Variants in MRGPRX3 observed in about 807,000 individuals in gnomAD.
MRGPRX3 encodes the protein mas-related G protein-coupled receptor member X3.
In MRGPRX3, 14 loss-of-function variants were observed where a neutral mutation model predicts 16.5. The ratio of observed to expected loss-of-function variants is 0.85; its 90% CI spans 0.56 to 1.33. MRGPRX3 has a LOEUF of 1.33. MRGPRX3 is among the 40% of genes most tolerant of loss of function. The probability of loss-of-function intolerance (pLI) is 0.00; values close to 1 mark genes in which losing one functional copy is unlikely to be tolerated. For synonymous variants in MRGPRX3, 199 were observed against 180.1 expected (o/e 1.10, Z -0.84); for missense variants, 449 against 413.0 (o/e 1.09, Z -0.76).
At chr11:18,133,795 A>T (rs879732437) in intron 1 of MRGPRX3, among the ~76,000 whole-genome samples, 6 of 152,200 alleles carry the variant, frequency 3.9e-5, no homozygotes, top group Non-Finnish European at 7.3e-5. Flanking sequence ...TTTGAGAATG[A>T]ACTAATACAC....
rs184208849 is a variant in MRGPRX3, at chr11:18,126,370, C to T, written c.-152+5206C>T. Among the ~76,000 whole-genome samples, 923 of 152,150 alleles carry T rather than the reference C, an allele frequency of 6.1e-3. 38 individuals carry two copies. The highest frequency in any genetic ancestry group is 0.056 in the Admixed American group (849 of 15,282). ...ATGTTTAGTGCTTCCTTCAGGAGCT[C>T]TTTTAGGGCAGTCCTGGTGGTGCCA... On this transcript the variant is annotated intron_variant, in intron 1 of 2. Coordinates refer to the MRGPRX3 transcript ENST00000396275.
chr11:18,125,192 G>A (rs1365607874), intron 1 of MRGPRX3, among the ~76,000 whole-genome samples: 1 of 152,198 alleles, frequency 6.6e-6, no homozygotes, highest in Admixed American at 6.5e-5. Context: ...ATCTCCTTCA[G>A]TTCTACTCTG....
Position 18,126,313 on chromosome 11 carries a change from T to G in MRGPRX3, c.-152+5149T>G, listed in dbSNP as rs187500168. Reference sequence around the variant, plus strand: ...TGATGGTCTTTACAACTGGCATGTTTTTGCAGTGGCTGGTACTGGTTGTTC... The same window carrying G: ...TGATGGTCTTTACAACTGGCATGTTGTTGCAGTGGCTGGTACTGGTTGTTC... On this transcript the variant is annotated intron_variant, in intron 1 of 2. Transcript: ENST00000396275. Among the ~76,000 whole-genome samples, 361 of 152,316 alleles carry G rather than the reference T, an allele frequency of 2.4e-3. 1 individual carries two copies. The highest frequency in any genetic ancestry group is 8.5e-3 in the African/African-American group (353 of 41,562).
At chr11:18,123,548 T>G (rs895464470) in intron 1 of MRGPRX3, among the ~76,000 whole-genome samples, 1 of 152,150 alleles carries the variant, frequency 6.6e-6, no homozygotes, top group Non-Finnish European at 1.5e-5. Flanking sequence ...TTGGTCTATA[T>G]CTCTGTTTTG....
intron 1 of MRGPRX3, among the ~76,000 whole-genome samples, chr11:18,122,605 G>A (rs1564878754): frequency 1.3e-5 from 2 of 152,164 alleles, no homozygotes; most frequent in Non-Finnish European, 2.9e-5. Flanking sequence ...CTTTGGGTTG[G>A]TTCCAAGTCT....
At chr11:18,131,501 A>C (rs966295301), upstream of MRGPRX3, among the ~76,000 whole-genome samples, 1 of 152,204 alleles carries the variant, frequency 6.6e-6, no homozygotes, top group Admixed American at 6.5e-5. Context: ...TTACTCCTGC[A>C]AGAATGGTCA....
At chr11:18,129,398 AT>A (rs1467945221), upstream of MRGPRX3, among the ~76,000 whole-genome samples, 2 of 152,240 alleles carry the variant, frequency 1.3e-5, no homozygotes, top group South Asian at 4.1e-4. Flanking sequence ...TTTCAAGACT[AT>A]TGTGATCACC....
chr11:18,123,289 T>A (rs61884074), intron 1 of MRGPRX3, among the ~76,000 whole-genome samples: 26,520 of 151,986 alleles, frequency 0.17, 2,523 homozygotes, highest in Middle Eastern at 0.27. Context: ...TGGTATTGCC[T>A]AGGTTTTCTT....
chr11:18,137,011 T>C (rs1321803918), intron 1 of MRGPRX3, among the ~76,000 whole-genome samples, 167 bp from the exon 2 acceptor site: 2 of 152,176 alleles, frequency 1.3e-5, no homozygotes, highest in Admixed American at 6.5e-5. Flanking sequence ...CAACAAGAAC[T>C]GGATTTCAAA....
intron 1 of MRGPRX3, among the ~76,000 whole-genome samples, chr11:18,122,672 G>C (rs896969041): frequency 2.6e-5 from 4 of 152,050 alleles, no homozygotes; most frequent in African/African-American, 9.7e-5. Context: ...TTTATAGCAG[G>C]GTGATTTATA....
At chr11:18,134,272 GT>G (rs1431415171) in intron 1 of MRGPRX3, among the ~76,000 whole-genome samples, 2 of 152,198 alleles carry the variant, frequency 1.3e-5, no homozygotes, top group Non-Finnish European at 2.9e-5. Context: ...AGAAAGTATA[GT>G]TGTGCCTCTG....
upstream of MRGPRX3, among the ~76,000 whole-genome samples, chr11:18,128,208 CAG>C (rs1246671821): frequency 6.6e-6 from 1 of 152,040 alleles, no homozygotes; most frequent in Non-Finnish European, 1.5e-5. Flanking sequence ...GATAGGGAAT[CAG>C]GGGGTCATGG....
chr11:18,137,992 A>T lies in MRGPRX3; in HGVS notation c.790A>T (p.Asn264Tyr). Residue 264 changes from asparagine to tyrosine, a missense_variant, in exon 2 of 2, where the codon AAC becomes TAC. Asn to Tyr is a moderately radical substitution (Grantham distance 143, BLOSUM62 -2). Transcript: ENST00000621697. ...AGTTTCCATTTTCCTGTCCGCTCTTAACAGCAGTGCCAACCCCATCATTTA... is the reference window on the plus strand; with the variant it reads ...AGTTTCCATTTTCCTGTCCGCTCTTTACAGCAGTGCCAACCCCATCATTTA... ...HLVSIFLSAL[N>Y]SSANPIIYFF... The T allele has an allele frequency of 2.5e-6, 4 of 1,614,148 alleles. No homozygotes were observed. Among genetic ancestry groups the T allele is most frequent in the Non-Finnish European group, 8.5e-7 (1 of 1,180,020 alleles).
At chr11:18,121,377 C>T (rs1466374906) in intron 1 of MRGPRX3, among the ~76,000 whole-genome samples, 2 of 151,706 alleles carry the variant, frequency 1.3e-5, no homozygotes, top group South Asian at 2.1e-4. Flanking sequence ...AGGTGAGGGG[C>T]GCCACTGCCC....
At chr11:18,122,543 T>TC (rs1175783447) in intron 1 of MRGPRX3, among the ~76,000 whole-genome samples, 2 of 152,246 alleles carry the variant, frequency 1.3e-5, no homozygotes, top group African/African-American at 4.8e-5. Context: ...TGCATAGTAT[T>TC]CCATGGTGTA....
rs1849035001 is a variant in MRGPRX3 at position 18,138,337 on chromosome 11, A to G, written c.*166A>G. The stretch of plus-strand genomic sequence containing the variant: ...AACCTGACAGTTGCAGTTTTCACCC[A>G]TGGAAAGCATTAGTCTGACAGTACA... On this transcript the variant is annotated 3_prime_UTR_variant, in exon 2 of 2. Transcript: ENST00000621697. 6 of 1,034,480 alleles carry G rather than the reference A, an allele frequency of 5.8e-6. No individual in the cohort carries two copies. In the East Asian group the frequency reaches 1.3e-4, roughly 22 times the overall value. The allele number at this position is 1,034,480 out of a possible 1,614,324, so 64.1% of individuals were successfully genotyped here. A position where few individuals can be genotyped will look rare whatever the true frequency, so the allele number is the denominator to read the frequency against.
Position 18,137,561 on chromosome 11 carries a change from G to A in MRGPRX3, c.359G>A (p.Arg120His), listed in dbSNP as rs765422594. 63 of 1,613,958 alleles carry A rather than the reference G, an allele frequency of 3.9e-5. No homozygotes were observed. The Middle Eastern group carries it at 6.6e-4, about 17-fold the overall frequency. Reference sequence around the variant, plus strand: ...ATGCTGAGCGCCATCAGCACCGAGCGCTGCCTGTCCATCCTGTGGCCCATC... The same window carrying A: ...ATGCTGAGCGCCATCAGCACCGAGCACTGCCTGTCCATCCTGTGGCCCATC... ...LSMLSAISTE[R>H]CLSILWPIWY... Residue 120 changes from arginine to histidine, a missense_variant, in exon 2 of 2, where the codon CGC becomes CAC. Physicochemically the swap from Arg to His is conservative, Grantham distance 29. Coordinates refer to ENST00000621697, the MANE Select transcript of MRGPRX3 (RefSeq NM_001370464.1).
At chr11:18,122,027 G>GAA (rs57582114) in intron 1 of MRGPRX3, among the ~76,000 whole-genome samples, 61 of 137,258 alleles carry the variant, frequency 4.4e-4, no homozygotes, top group South Asian at 4.7e-4. Context: ...AAGAAAAAAA[G>GAA]AAAAAAAAAA....
At chr11:18,128,898 T>A (rs189420771), upstream of MRGPRX3, among the ~76,000 whole-genome samples, 412 of 152,346 alleles carry the variant, frequency 2.7e-3, 2 homozygotes, top group African/African-American at 9.2e-3. Flanking sequence ...AGACTGGAGC[T>A]GTTCCTATTT....
Sources: gnomAD v4.1 joint callset for allele counts (sites outside exome capture counted in the v4.1 genomes callset) on GRCh38, gnomAD v4.1.1 for gene constraint, MANE v1.5 for transcripts, NCBI Gene and HGNC (gene_info 2026-07-23, HGNC 2026-07-21) for gene names.